Variants in DACH1 observed in about 807,000 individuals in gnomAD.
DACH1 encodes dachshund homolog 1.
A neutral mutation model predicts 54.2 loss-of-function variants in DACH1; 12 were observed. The ratio of observed to expected loss-of-function variants is 0.22; its 90% confidence interval spans 0.14 to 0.36. The LOEUF is 0.36. Ranked by LOEUF, DACH1 falls within the 10% of genes least tolerant of loss-of-function variation. The pLI is 1.00. For synonymous variants in DACH1, 386 were observed against 366.2 expected, an observed-to-expected ratio of 1.05 and a Z score of -0.62; for missense variants, 805 against 929.8, an observed-to-expected ratio of 0.87 and a Z score of 1.75.
chr13:71,677,556 AAT>A (rs1880649727), intron 2 of DACH1, among the ~76,000 whole-genome samples: 1 of 152,190 alleles, frequency 6.6e-6, no homozygotes, highest in South Asian at 2.1e-4. Flanking sequence ...CTAAATACTT[AAT>A]ATTAAGACTG....
chr13:71,788,563 G>GCA (rs141367519), intron 1 of DACH1, among the ~76,000 whole-genome samples: 5 of 151,466 alleles, frequency 3.3e-5, no homozygotes, highest in African/African-American at 1.2e-4. Context: ...GTAGTTTACT[G>GCA]CACACACACA....
chr13:71,846,896 T>G (rs7992729), intron 1 of DACH1, among the ~76,000 whole-genome samples: 18,158 of 152,022 alleles, frequency 0.12, 2,082 homozygotes, highest in East Asian at 0.56. Context: ...ATAATCCCTA[T>G]CAAACACTAA....
At chr13:71,565,066 G>A (rs1320669172) in intron 4 of DACH1, among the ~76,000 whole-genome samples, 10 of 151,922 alleles carry the variant, frequency 6.6e-5, no homozygotes, top group African/African-American at 1.5e-4. Flanking sequence ...GATTACAGGC[G>A]TCTGCCACCA....
chr13:71,693,296 C>CTTTTTTTTTTTTTTTTTTTTT (rs869289138), intron 1 of DACH1, among the ~76,000 whole-genome samples: 10 of 90,950 alleles, frequency 1.1e-4, no homozygotes, highest in African/African-American at 4.6e-4. Context: ...ATTTGTTTTG[C>CTTTTTTTTTTTTTTTTTTTTT]TTTTTTTTTT....
intron 10 of DACH1, among the ~76,000 whole-genome samples, chr13:71,467,639 TGAG>T (rs1361563372): frequency 2.0e-5 from 3 of 152,116 alleles, no homozygotes; most frequent in Admixed American, 2.0e-4. Context: ...TCTAGTTAAA[TGAG>T]TAGTTAACAA....
chr13:71,524,032 T>C (rs896349936), intron 6 of DACH1, among the ~76,000 whole-genome samples: 11 of 152,134 alleles, frequency 7.2e-5, no homozygotes, highest in African/African-American at 2.7e-4. Flanking sequence ...ATGTTCGTAT[T>C]TACTTCATGT....
chr13:71,486,129 C>T (rs1878483445), intron 7 of DACH1, among the ~76,000 whole-genome samples: 1 of 151,586 alleles, frequency 6.6e-6, no homozygotes, highest in African/African-American at 2.4e-5. Context: ...CTGTGGTAAT[C>T]ATTACAAATT....
chr13:71,611,941 T>G (rs928639198), intron 3 of DACH1, among the ~76,000 whole-genome samples: 1 of 152,150 alleles, frequency 6.6e-6, no homozygotes, highest in Non-Finnish European at 1.5e-5. Flanking sequence ...TCCAATACTA[T>G]GTAAAAGAGC....
At chr13:71,665,495 C>T (rs2138663360) in intron 2 of DACH1, among the ~76,000 whole-genome samples, 1 of 152,000 alleles carries the variant, frequency 6.6e-6, no homozygotes, top group South Asian at 2.1e-4. Context: ...AGCTTTCCAC[C>T]AGTATTATGA....
At chr13:71,833,774 A>T (rs1486403457) in intron 1 of DACH1, among the ~76,000 whole-genome samples, 2 of 152,072 alleles carry the variant, frequency 1.3e-5, no homozygotes, top group African/African-American at 4.8e-5. Context: ...AAGCTAAAAT[A>T]AAAAAGTGTC....
At chr13:71,579,432 A>C (rs1464883235) in intron 3 of DACH1, among the ~76,000 whole-genome samples, 1 of 152,112 alleles carries the variant, frequency 6.6e-6, no homozygotes. Flanking sequence ...TGAACTAAAG[A>C]GAACGGGAAA....
chr13:71,541,082 C>T (rs1415986009), intron 6 of DACH1, among the ~76,000 whole-genome samples: 1 of 151,808 alleles, frequency 6.6e-6, no homozygotes, highest in Non-Finnish European at 1.5e-5. Context: ...AATTACGTTA[C>T]CATCCTAGAA....
intron 6 of DACH1, among the ~76,000 whole-genome samples, chr13:71,504,133 G>A (rs192369342): frequency 3.4e-4 from 51 of 152,108 alleles, no homozygotes; most frequent in Admixed American, 1.4e-3. Flanking sequence ...AAGAGATGAC[G>A]TTGTTAGATT....
chr13:71,738,668 G>GTTGCAATGAGCCAAAATTGTGCCA (rs1430429576), intron 1 of DACH1, among the ~76,000 whole-genome samples: 3 of 129,694 alleles, frequency 2.3e-5, no homozygotes, highest in Non-Finnish European at 1.6e-5. Flanking sequence ...GGAGGCAGAG[G>GTTGCAATGAGCCAAAATTGTGCCA]TTGCAATGAG....
chr13:71,620,821 T>C (rs546398723), intron 3 of DACH1, among the ~76,000 whole-genome samples: 1 of 152,084 alleles, frequency 6.6e-6, no homozygotes, highest in Admixed American at 6.6e-5. Flanking sequence ...ACATATATTT[T>C]CTCCAAAGAT....
chr13:71,650,470 A>C lies in DACH1; in HGVS notation c.965-19753T>G, dbSNP rs144733929. On this transcript the variant is annotated intron_variant, in intron 2 of 10. Coordinates refer to ENST00000613252, the MANE Select transcript of DACH1 (RefSeq NM_080759.6). Reference sequence around the variant, plus strand: ...TCCATAAATATAATTTACTGAATAAAAGTTAAAATATTTAATTTTTAACTT... The same window carrying C: ...TCCATAAATATAATTTACTGAATAACAGTTAAAATATTTAATTTTTAACTT... Among the ~76,000 whole-genome samples the C allele has an allele frequency of 5.1e-3, 780 of 152,284 alleles. 5 individuals are homozygous for C. The highest frequency in any genetic ancestry group is 8.5e-3 in the Non-Finnish European group (576 of 68,008).
At chr13:71,552,836 TATATATAGAGAG>T (rs1254386161) in intron 6 of DACH1, among the ~76,000 whole-genome samples, 20 of 27,156 alleles carry the variant, frequency 7.4e-4, no homozygotes, top group African/African-American at 1.6e-3. Flanking sequence ...TATATATATA[TATATATAGAGAG>T]AGAGAGAGAG....
At chr13:71,618,574 T>A (rs1875960342) in intron 3 of DACH1, among the ~76,000 whole-genome samples, 1 of 151,934 alleles carries the variant, frequency 6.6e-6, no homozygotes, top group South Asian at 2.1e-4. Context: ...ATTAAGCTAT[T>A]AAATGAAGTA....
At chr13:71,789,224 T>C (rs1273287893) in intron 1 of DACH1, among the ~76,000 whole-genome samples, 1 of 152,094 alleles carries the variant, frequency 6.6e-6, no homozygotes, top group Non-Finnish European at 1.5e-5. Flanking sequence ...ACAGTGCATT[T>C]AATTTAGGAA....
Sources: allele counts gnomAD v4.1 joint callset (sites outside exome capture counted in the v4.1 genomes callset), GRCh38; gene constraint gnomAD v4.1.1; transcripts MANE v1.5; gene names NCBI Gene and HGNC (gene_info 2026-07-23, HGNC 2026-07-21).